Variants in TNR observed in about 807,000 individuals in gnomAD.
The protein encoded by TNR is tenascin-R.
Under a neutral mutation model 150.4 loss-of-function variants are expected in TNR, and 45 were observed. The observed-to-expected ratio is 0.30, with a 90% CI of 0.24 to 0.38. TNR has a LOEUF of 0.38. Ranked by LOEUF, TNR falls within the 10% of genes least tolerant of loss-of-function variation. The probability of loss-of-function intolerance (pLI) is 1.00; values close to 1 mark genes in which losing one functional copy is unlikely to be tolerated. For missense variants in TNR, 1,544 were observed against 1,759.1 expected (o/e 0.88, Z 2.19); for synonymous variants, 687 against 678.4 (o/e 1.01, Z -0.20).
intron 2 of TNR, among the ~76,000 whole-genome samples, chr1:175,510,609 T>A (rs1233522413): frequency 6.6e-6 from 1 of 152,214 alleles, no homozygotes; most frequent in East Asian, 1.9e-4. Flanking sequence ...CTACAAGCTG[T>A]TGAAAAACTC....
intron 5 of TNR, among the ~76,000 whole-genome samples, chr1:175,395,920 C>A (rs1653405686): frequency 6.6e-6 from 1 of 152,108 alleles, no homozygotes; most frequent in African/African-American, 2.4e-5. Flanking sequence ...TTATGGAGAG[C>A]AGTTTAGATT....
intron 2 of TNR, among the ~76,000 whole-genome samples, chr1:175,527,116 C>T (rs1659877247): frequency 6.6e-6 from 1 of 152,194 alleles, no homozygotes; most frequent in African/African-American, 2.4e-5. Context: ...GACAGGCAAC[C>T]TTAGCCGTTG....
At chr1:175,581,565 G>A (rs1662350157) in intron 1 of TNR, among the ~76,000 whole-genome samples, 2 of 152,146 alleles carry the variant, frequency 1.3e-5, no homozygotes, top group Non-Finnish European at 2.9e-5. Context: ...AGCATGGGGT[G>A]GTGCAGAGAA....
intron 1 of TNR, among the ~76,000 whole-genome samples, chr1:175,709,395 C>T (rs986458114): frequency 2.0e-5 from 3 of 152,072 alleles, no homozygotes; most frequent in African/African-American, 7.2e-5. Context: ...GTCTAGGGCA[C>T]ATTCTCTACC....
intron 2 of TNR, among the ~76,000 whole-genome samples, chr1:175,476,905 A>G (rs1242811295): frequency 6.6e-6 from 1 of 152,198 alleles, no homozygotes; most frequent in Non-Finnish European, 1.5e-5. Context: ...GGGAGCATCT[A>G]TTATCTAGGC....
chr1:175,524,162 G>A (rs527986646), intron 2 of TNR, among the ~76,000 whole-genome samples: 96 of 152,254 alleles, frequency 6.3e-4, no homozygotes, highest in African/African-American at 2.0e-3. Context: ...GTAGTTAGGC[G>A]TGAGGGAGGC....
At chr1:175,362,112 C>T (rs1651620786) in intron 14 of TNR, among the ~76,000 whole-genome samples, 1 of 152,194 alleles carries the variant, frequency 6.6e-6, no homozygotes, top group African/African-American at 2.4e-5. Flanking sequence ...GGTGCCCCTG[C>T]AGGCAGCCCA....
chr1:175,507,767 T>A (rs1239830581), intron 2 of TNR, among the ~76,000 whole-genome samples: 1 of 152,210 alleles, frequency 6.6e-6, no homozygotes, highest in Non-Finnish European at 1.5e-5. Flanking sequence ...TCACAATCTA[T>A]CACCTCCAAC....
chr1:175,442,191 T>A (rs1655821291), intron 2 of TNR, among the ~76,000 whole-genome samples: 1 of 152,196 alleles, frequency 6.6e-6, no homozygotes, highest in Admixed American at 6.5e-5. Context: ...ATATCTTATT[T>A]TTCACTTGGC....
intron 1 of TNR, among the ~76,000 whole-genome samples, chr1:175,579,504 C>T (rs1430035433): frequency 1.3e-5 from 2 of 151,242 alleles, no homozygotes; most frequent in South Asian, 2.1e-4. Context: ...TGGGCAATGG[C>T]GATTAGACCA....
chr1:175,503,106 G>A (rs1179847246), intron 2 of TNR, among the ~76,000 whole-genome samples: 1 of 152,198 alleles, frequency 6.6e-6, no homozygotes, highest in Non-Finnish European at 1.5e-5. Flanking sequence ...AGTGGACACA[G>A]GTCCATATGA....
intron 1 of TNR, among the ~76,000 whole-genome samples, chr1:175,715,295 C>A (rs1667125117): frequency 6.6e-6 from 1 of 152,104 alleles, no homozygotes; most frequent in Non-Finnish European, 1.5e-5. Flanking sequence ...TCTTTAGAGT[C>A]TTTTTATTTA....
At chr1:175,694,602 G>T (rs902410460) in intron 1 of TNR, among the ~76,000 whole-genome samples, 2 of 152,100 alleles carry the variant, frequency 1.3e-5, no homozygotes, top group African/African-American at 2.4e-5. Context: ...GCTCAATTAT[G>T]TTCTCAAAAT....
intron 2 of TNR, among the ~76,000 whole-genome samples, chr1:175,407,833 T>A (rs1654028556): frequency 3.3e-5 from 5 of 152,176 alleles, no homozygotes; most frequent in Admixed American, 3.3e-4. Flanking sequence ...AGGTTAAGAT[T>A]TGAATGCAGG....
At chr1:175,490,237 G>T (rs1415764182) in intron 2 of TNR, among the ~76,000 whole-genome samples, 1 of 152,150 alleles carries the variant, frequency 6.6e-6, no homozygotes, top group Non-Finnish European at 1.5e-5. Context: ...GTGAATTAAA[G>T]ACTTAAATGT....
chr1:175,556,632 C>T (rs1661169569), intron 1 of TNR: 1 of 152,858 alleles, frequency 6.5e-6, no homozygotes, highest in Non-Finnish European at 1.5e-5. Flanking sequence ...GCCTCTCAGC[C>T]TCCCTGACTC....
At chr1:175,338,890 G>A (rs1389907445) in intron 18 of TNR, among the ~76,000 whole-genome samples, 1 of 152,164 alleles carries the variant, frequency 6.6e-6, no homozygotes, top group Non-Finnish European at 1.5e-5. Flanking sequence ...CTGGAGATGT[G>A]TTAACTGCCC....
At chr1:175,409,258 T>A (rs1345523556) in intron 2 of TNR, among the ~76,000 whole-genome samples, 1 of 152,212 alleles carries the variant, frequency 6.6e-6, no homozygotes, top group Non-Finnish European at 1.5e-5. Context: ...GCTAAATAAC[T>A]TTTTCTTCTG....
intron 2 of TNR, among the ~76,000 whole-genome samples, chr1:175,527,980 G>A (rs1196799709): frequency 6.6e-6 from 1 of 152,212 alleles, no homozygotes; most frequent in East Asian, 1.9e-4. Flanking sequence ...TAGCTTCTTG[G>A]AGGGACTGAG....
Sources: allele counts gnomAD v4.1 joint callset (sites outside exome capture counted in the v4.1 genomes callset), GRCh38; gene constraint gnomAD v4.1.1; transcripts MANE v1.5; gene names NCBI Gene and HGNC (gene_info 2026-07-23, HGNC 2026-07-21).